The following NHS variants were observed in gnomAD, a reference collection of about 807,000 sequenced individuals.
NHS encodes actin remodeling regulator NHS.
In NHS, 5 loss-of-function variants were observed where a neutral mutation model predicts 72.5. The observed-to-expected ratio is 0.07, with a 90% CI of 0.04 to 0.14. The LOEUF (loss-of-function observed/expected upper bound fraction) is 0.14. Ranked by LOEUF, NHS falls within the 10% of genes least tolerant of loss-of-function variation. NHS has a pLI of 1.00. For synonymous variants in NHS, 464 were observed against 547.7 expected (o/e 0.85, Z 2.13); for missense variants, 1,072 against 1,355.7 (o/e 0.79, Z 3.29).
At chrX:17,529,498 A>T (rs752180474) in intron 1 of NHS, among the ~76,000 whole-genome samples, 1 of 111,965 alleles carries the variant, frequency 8.9e-6, no homozygotes, top group South Asian at 3.8e-4. Context: ...AGTTGGCTCC[A>T]GTTTGGCTAA....
Position 17,721,422 on chromosome X carries a change from G to C in NHS, c.916-19G>C. The C allele has an allele frequency of 1.7e-6, 2 of 1,206,864 alleles. No homozygotes were observed. The highest frequency in any genetic ancestry group is 2.2e-5 in the Admixed American group (1 of 45,991). On this transcript the variant is annotated intron_variant, in intron 4 of 8. Transcript: ENST00000676302. ...TGTATAAACTATGATGGCTGAACCT[G>C]ATTGTACTTTGTTTGCAGTCCCATC...
intron 1 of NHS, among the ~76,000 whole-genome samples, chrX:17,437,722 C>T (rs2064730625): frequency 8.9e-6 from 1 of 112,313 alleles, no homozygotes; most frequent in East Asian, 2.8e-4. Flanking sequence ...CCTCAGTTTT[C>T]CCATCTGTAA....
intron 1 of NHS, among the ~76,000 whole-genome samples, chrX:17,416,183 C>T (rs1185480172): frequency 9.0e-6 from 1 of 111,067 alleles, no homozygotes; most frequent in Non-Finnish European, 1.9e-5. Flanking sequence ...CTCCACCCTA[C>T]CCCCCAACGT....
intron 1 of NHS, among the ~76,000 whole-genome samples, chrX:17,686,464 C>G (rs1478743675): frequency 8.9e-6 from 1 of 111,984 alleles, no homozygotes; most frequent in African/African-American, 3.2e-5. Flanking sequence ...TGTATCCTGG[C>G]TCCCACCTTC....
chrX:17,671,251 T>C (rs1381554931), intron 1 of NHS, among the ~76,000 whole-genome samples: 1 of 111,811 alleles, frequency 8.9e-6, no homozygotes, highest in Non-Finnish European at 1.9e-5. Context: ...AAGGTTGAGT[T>C]AGAGAAGAAA....
chrX:17,454,449 C>T (rs184658212), intron 1 of NHS, among the ~76,000 whole-genome samples: 46 of 112,293 alleles, frequency 4.1e-4, no homozygotes, highest in Admixed American at 7.5e-4. Context: ...GAGCTACTGA[C>T]TCCCTTTCTA....
At chrX:17,487,104 G>A (rs187168897) in intron 1 of NHS, among the ~76,000 whole-genome samples, 5 of 112,063 alleles carry the variant, frequency 4.5e-5, no homozygotes, top group Non-Finnish European at 9.4e-5. Flanking sequence ...CAACTTTGGG[G>A]CACTTTGAAG....
intron 4 of NHS, among the ~76,000 whole-genome samples, chrX:17,720,893 A>C (rs192485949): frequency 8.9e-6 from 1 of 112,254 alleles, no homozygotes; most frequent in Non-Finnish European, 1.9e-5. Flanking sequence ...AATTTTTAAA[A>C]TGTTATTAAA....
At chrX:17,562,871 C>T (rs1282908233) in intron 1 of NHS, among the ~76,000 whole-genome samples, 1 of 38,924 alleles carries the variant, frequency 2.6e-5, no homozygotes, top group Non-Finnish European at 3.6e-5. Flanking sequence ...GAATCCTAAG[C>T]TCCTGCATAT....
chrX:17,513,987 G>A (rs1390446665), intron 1 of NHS, among the ~76,000 whole-genome samples: 1 of 111,973 alleles, frequency 8.9e-6, no homozygotes, highest in Non-Finnish European at 1.9e-5. Context: ...AAGGCAAGGA[G>A]GAGCAAGTCA....
At chrX:17,555,789 C>A (rs1295284754) in intron 1 of NHS, among the ~76,000 whole-genome samples, 4 of 111,836 alleles carry the variant, frequency 3.6e-5, no homozygotes, top group African/African-American at 1.3e-4. Context: ...CCTCCACCCA[C>A]CCCCAGGAGG....
At chrX:17,645,393 G>A (rs992530323) in intron 1 of NHS, among the ~76,000 whole-genome samples, 10 of 111,700 alleles carry the variant, frequency 9.0e-5, no homozygotes, top group African/African-American at 3.3e-4. Flanking sequence ...AATTAAAAGG[G>A]AAAACTGACT....
intron 1 of NHS, among the ~76,000 whole-genome samples, chrX:17,436,624 A>G (rs1394110759): frequency 9.1e-6 from 1 of 109,709 alleles, no homozygotes. Flanking sequence ...AAAAAAAAAA[A>G]AAAAGAAAGA....
intron 1 of NHS, among the ~76,000 whole-genome samples, chrX:17,582,516 C>T (rs1277018711): frequency 8.9e-6 from 1 of 112,308 alleles, no homozygotes; most frequent in Admixed American, 9.4e-5. Flanking sequence ...ATAGGAACTG[C>T]TCCTCTGGTG....
intron 1 of NHS, among the ~76,000 whole-genome samples, chrX:17,492,756 T>A (rs1298576860): frequency 3.6e-5 from 4 of 111,829 alleles, no homozygotes; most frequent in Non-Finnish European, 5.6e-5. Context: ...CCACTATTAT[T>A]GTGTGGGAGT....
At chrX:17,587,931 G>A (rs193199018) in intron 1 of NHS, among the ~76,000 whole-genome samples, 221 of 112,334 alleles carry the variant, frequency 2.0e-3, no homozygotes, top group Non-Finnish European at 2.6e-3. Flanking sequence ...AGACAGAGGC[G>A]AGTAATCAGA....
intron 1 of NHS, among the ~76,000 whole-genome samples, chrX:17,430,075 T>TTTCC (rs749084714): frequency 0.079 from 7,587 of 96,114 alleles, 500 homozygotes; most frequent in African/African-American, 0.15. Context: ...TGCACATATT[T>TTTCC]TTCCTTCCTT....
intron 1 of NHS, among the ~76,000 whole-genome samples, chrX:17,491,881 T>C (rs2064993508): frequency 9.1e-6 from 1 of 109,675 alleles, no homozygotes; most frequent in African/African-American, 3.3e-5. Flanking sequence ...TGTCCAGGAA[T>C]TTATCCATTT....
chrX:17,491,331 G>T (rs1300562571), intron 1 of NHS, among the ~76,000 whole-genome samples: 3 of 111,737 alleles, frequency 2.7e-5, no homozygotes, highest in Non-Finnish European at 3.8e-5. Context: ...TAGCATGAAG[G>T]GGTGTTGAAT....
Sources: gnomAD v4.1 joint callset for allele counts (sites outside exome capture counted in the v4.1 genomes callset) on GRCh38, gnomAD v4.1.1 for gene constraint, MANE v1.5 for transcripts, NCBI Gene and HGNC (gene_info 2026-07-23, HGNC 2026-07-21) for gene names.